Variants in BCL2L11 observed in about 807,000 individuals in gnomAD.
BCL2L11 encodes the protein bcl-2-like protein 11.
BCL2L11 carries 15 observed loss-of-function variants against 20.6 expected under a neutral mutation model. The ratio of observed to expected loss-of-function variants is 0.73; its 90% CI spans 0.49 to 1.12. The LOEUF (loss-of-function observed/expected upper bound fraction) is 1.12, where lower values mean the gene tolerates loss of function less well. Among genes scored for constraint, BCL2L11 ranks in the 50% most tolerant of loss-of-function variants. The pLI is 0.00. For synonymous variants in BCL2L11, 108 were observed against 92.8 expected, an observed-to-expected ratio of 1.16 and a Z score of -0.94; for missense variants, 292 against 260.9, an observed-to-expected ratio of 1.12 and a Z score of -0.82.
intron 1 of BCL2L11, among the ~76,000 whole-genome samples, chr2:111,121,510 G>A (rs2070909850): frequency 6.6e-6 from 1 of 152,210 alleles, no homozygotes. Context: ...TTTCGGCGCC[G>A]GCCCGGGAGC....
intron 2 of BCL2L11, among the ~76,000 whole-genome samples, 155 bp downstream of exon 2, chr2:111,124,294 T>G (rs2071975514): frequency 7.3e-6 from 1 of 137,256 alleles, no homozygotes; most frequent in South Asian, 2.2e-4. Flanking sequence ...TCAAACCAAC[T>G]TTTTTTTTTT....
Position 111,120,966 on chromosome 2 carries a change from G to GCGCCGCCGCCGC in BCL2L11, c.-230_-229insCGCCGCCGCCGC, listed in dbSNP as rs1190224654. The GCGCCGCCGCCGC allele has an allele frequency of 2.7e-6, 1 of 368,006 alleles. No homozygotes were observed. The highest frequency in any genetic ancestry group is 2.7e-5 in the African/African-American group (1 of 36,502). The allele number at this position is 368,006 out of a possible 1,614,324, so 22.8% of individuals were successfully genotyped here. A position where few individuals can be genotyped will look rare whatever the true frequency, so the allele number is the denominator to read the frequency against. On this transcript the variant is annotated 5_prime_UTR_variant, in exon 1 of 4. Coordinates refer to ENST00000393256, the MANE Select transcript of BCL2L11 (RefSeq NM_138621.5). ...GCAGTTTGTTGGAGCTCTGCGTCCA[G>GCGCCGCCGCCGC]CGCCGCTGCCGCTGCCGCCGCCGCC...
At chr2:111,152,857 T>C (rs1007343723) in intron 3 of BCL2L11, among the ~76,000 whole-genome samples, 1 of 152,246 alleles carries the variant, frequency 6.6e-6, no homozygotes, top group Non-Finnish European at 1.5e-5. Flanking sequence ...GTTCCCATGC[T>C]TTTGGTAAAT....
intron 3 of BCL2L11, among the ~76,000 whole-genome samples, chr2:111,160,108 C>A (rs1186974202): frequency 2.0e-5 from 3 of 152,128 alleles, no homozygotes; most frequent in Non-Finnish European, 2.9e-5. Context: ...AACTGCTGGC[C>A]CCTTCTGCCT....
chr2:111,151,847 C>T, intron 3 of BCL2L11: 3 of 1,549,766 alleles, frequency 1.9e-6, no homozygotes, highest in Non-Finnish European at 2.6e-6. Flanking sequence ...GCATCCTCCA[C>T]CTGACATAAA....
At chr2:111,128,767 A>G (rs1237193139) in intron 2 of BCL2L11, 5 of 1,543,594 alleles carry the variant, frequency 3.2e-6, no homozygotes, top group Non-Finnish European at 4.4e-6. Context: ...TTTTATAGCC[A>G]CAGCCACCTC....
chr2:111,133,729 A>G (rs1559035233), intron 2 of BCL2L11, among the ~76,000 whole-genome samples: 1 of 152,148 alleles, frequency 6.6e-6, no homozygotes, highest in Non-Finnish European at 1.5e-5. Flanking sequence ...TTATATATAC[A>G]TCTTTCAGAT....
chr2:111,152,623 G>C (rs2077386097), intron 3 of BCL2L11, among the ~76,000 whole-genome samples: 1 of 152,196 alleles, frequency 6.6e-6, no homozygotes, highest in African/African-American at 2.4e-5. Context: ...CCATCCTCTT[G>C]TGAAGGCTGT....
At chr2:111,137,098 GGGA>G (rs2075032018) in intron 2 of BCL2L11, among the ~76,000 whole-genome samples, 1 of 152,104 alleles carries the variant, frequency 6.6e-6, no homozygotes, top group Admixed American at 6.5e-5. Flanking sequence ...TGCCTTAGGG[GGGA>G]CTTCTTACTA....
At chr2:111,146,867 C>T (rs552826481) in intron 2 of BCL2L11, among the ~76,000 whole-genome samples, 1 of 152,112 alleles carries the variant, frequency 6.6e-6, no homozygotes, top group South Asian at 2.1e-4. Context: ...GTCTTTATAG[C>T]CATGTACTAC....
intron 3 of BCL2L11, among the ~76,000 whole-genome samples, chr2:111,151,181 T>C (rs10190492): frequency 0.026 from 3,967 of 152,198 alleles, 166 homozygotes; most frequent in African/African-American, 0.089. Context: ...GGATTACAGG[T>C]GTGAGCCTCT....
At chr2:111,152,003 G>A (rs2077314462) in intron 3 of BCL2L11, 2 of 916,384 alleles carry the variant, frequency 2.2e-6, no homozygotes, top group South Asian at 1.5e-5. Flanking sequence ...TCCTGTGTGT[G>A]ACTGGAAGTG....
At chr2:111,147,375 C>A (rs2076686254) in intron 2 of BCL2L11, among the ~76,000 whole-genome samples, 1 of 151,348 alleles carries the variant, frequency 6.6e-6, no homozygotes, top group Non-Finnish European at 1.5e-5. Flanking sequence ...CACACACACA[C>A]ACACACACAC....
intron 3 of BCL2L11, among the ~76,000 whole-genome samples, chr2:111,159,143 GAGGCAC>G (rs553529536): frequency 3.9e-5 from 6 of 152,206 alleles, no homozygotes; most frequent in Non-Finnish European, 7.3e-5. Flanking sequence ...CTTCCCAGCA[GAGGCAC>G]AGGCACAGGC....
intron 3 of BCL2L11, among the ~76,000 whole-genome samples, chr2:111,160,971 A>T (rs185014277): frequency 1.3e-4 from 20 of 152,256 alleles, no homozygotes; most frequent in African/African-American, 4.8e-4. Context: ...TATTTTTCTT[A>T]GTTCTGGAGG....
intron 2 of BCL2L11, among the ~76,000 whole-genome samples, chr2:111,138,252 G>A (rs544752239): frequency 4.6e-5 from 7 of 152,108 alleles, no homozygotes; most frequent in Non-Finnish European, 7.4e-5. Context: ...GAAGTGATCC[G>A]CCTACCTCGG....
At chr2:111,142,484 C>T in intron 2 of BCL2L11, 3 of 955,298 alleles carry the variant, frequency 3.1e-6, no homozygotes, top group Admixed American at 4.3e-5. Context: ...TGTCTTAGCC[C>T]TACAGTGTGT....
chr2:111,145,389 G>C (rs2150443827), intron 2 of BCL2L11, among the ~76,000 whole-genome samples: 1 of 152,172 alleles, frequency 6.6e-6, no homozygotes, highest in South Asian at 2.1e-4. Flanking sequence ...TCATTTCCTT[G>C]GAGCACTGGG....
At chr2:111,126,620 C>G (rs538072538) in intron 2 of BCL2L11, among the ~76,000 whole-genome samples, 23 of 152,138 alleles carry the variant, frequency 1.5e-4, no homozygotes, top group Non-Finnish European at 1.8e-4. Context: ...ATAATTTTCT[C>G]TGGACATTCT....
Sources: allele counts gnomAD v4.1 joint callset (sites outside exome capture counted in the v4.1 genomes callset), GRCh38; gene constraint gnomAD v4.1.1; transcripts MANE v1.5; gene names NCBI Gene and HGNC (gene_info 2026-07-23, HGNC 2026-07-21).